DLGAP4: variants seen among roughly 807,000 people sequenced by gnomAD.
DLGAP4 encodes disks large-associated protein 4.
DLGAP4 carries 18 observed loss-of-function variants against 86.9 expected under a neutral mutation model. That is an observed-to-expected ratio of 0.21 (90% CI 0.14 to 0.31). The LOEUF is 0.31. Among genes scored for constraint, DLGAP4 ranks in the 10% least tolerant of loss-of-function variants. The pLI, the probability that DLGAP4 is intolerant of heterozygous loss-of-function variation, is 1.00. For missense variants in DLGAP4, 1,085 were observed against 1,362.6 expected (o/e 0.80, Z 3.21); for synonymous variants, 548 against 574.3 (o/e 0.95, Z 0.65).
chr20:36,360,045 G>A (rs1321788779), intron 1 of DLGAP4, among the ~76,000 whole-genome samples: 1 of 152,204 alleles, frequency 6.6e-6, no homozygotes, highest in African/African-American at 2.4e-5. Context: ...ATCATAATAC[G>A]AATACAAGGA....
intron 2 of DLGAP4, among the ~76,000 whole-genome samples, chr20:36,422,254 A>T (rs1487533957): frequency 4.6e-5 from 7 of 152,194 alleles, no homozygotes. Context: ...ATGTTCGGCC[A>T]TTCCACCTCA....
chr20:36,461,491 G>C (rs2034043894), intron 7 of DLGAP4: 3 of 981,752 alleles, frequency 3.1e-6, no homozygotes, highest in Admixed American at 6.3e-5. Flanking sequence ...GCCTCGGGCC[G>C]GGCTGCGTGA....
chr20:36,514,092 TGGAAA>T (rs2036893461), intron 10 of DLGAP4, among the ~76,000 whole-genome samples: 1 of 151,550 alleles, frequency 6.6e-6, no homozygotes, highest in African/African-American at 2.4e-5. Context: ...CACTTAGCGG[TGGAAA>T]GGGAGGAATA....
In DLGAP4 at chr20:36,308,540, C is replaced by T. The variant is rs2065026012; in HGVS notation, c.-304+2028C>T. Among the ~76,000 whole-genome samples, 1 of 152,228 alleles carries T rather than the reference C, an allele frequency of 6.6e-6. No homozygotes were observed. Among genetic ancestry groups the T allele is most frequent in the Non-Finnish European group, 1.5e-5 (1 of 68,040 alleles). ...TTGGTGTTTTTGAAGGAAGGCTGTG[C>T]AGCACTTGGGAACTAGGAGAGAATG... On this transcript the variant is annotated intron_variant, in intron 1 of 12. Transcript: ENST00000339266. This position sits in a 1 kb window ranked among gnomAD's most constrained non-coding sequence, Gnocchi z 4.5.
chr20:36,402,613 T>G (rs927246613), intron 2 of DLGAP4, among the ~76,000 whole-genome samples: 2 of 152,066 alleles, frequency 1.3e-5, no homozygotes, highest in Non-Finnish European at 2.9e-5. Flanking sequence ...CTGGACATGG[T>G]GGTGCATGCC....
Position 36,525,794 on chromosome 20 carries a change from G to A in DLGAP4, c.2605-57G>A, listed in dbSNP as rs545723515. The A allele has an allele frequency of 5.7e-4, 905 of 1,598,700 alleles. 5 individuals carry two copies. In the African/African-American group the frequency reaches 0.011, roughly 20 times the overall value. On this transcript the variant is annotated intron_variant, in intron 11 of 12. Coordinates refer to ENST00000339266, the MANE Select transcript of DLGAP4 (RefSeq NM_001365621.2). ...GGAACCCTGCTTGTTGGGGGGTTGG[G>A]GGGAGCAGGACAAGCCTCTGCTGAG...
intron 5 of DLGAP4, 36 bp from the exon 6 acceptor site, chr20:36,442,691 G>C (rs759676209): frequency 1.2e-6 from 2 of 1,612,462 alleles, no homozygotes; most frequent in East Asian, 2.2e-5. Context: ...CCCCAGCCCT[G>C]GTCCTTCCAT....
At chr20:36,399,256 T>G (rs1320832689) in intron 2 of DLGAP4, among the ~76,000 whole-genome samples, 1 of 152,118 alleles carries the variant, frequency 6.6e-6, no homozygotes, top group Non-Finnish European at 1.5e-5. Flanking sequence ...AAGCACAGGC[T>G]GGACAAGATG....
intron 7 of DLGAP4, among the ~76,000 whole-genome samples, chr20:36,484,939 C>T (rs2035345857): frequency 6.6e-6 from 1 of 152,096 alleles, no homozygotes; most frequent in South Asian, 2.1e-4. Context: ...CTGACTGTTC[C>T]TCAAATGATT....
At chr20:36,424,642 A>G (rs936072666) in intron 2 of DLGAP4, among the ~76,000 whole-genome samples, 9 of 152,002 alleles carry the variant, frequency 5.9e-5, no homozygotes, top group Non-Finnish European at 1.3e-4. Flanking sequence ...CCATCTCCAG[A>G]GCCGTTCTCA....
chr20:36,429,778 C>T (rs2033080188), intron 2 of DLGAP4, among the ~76,000 whole-genome samples: 1 of 152,204 alleles, frequency 6.6e-6, no homozygotes, highest in Non-Finnish European at 1.5e-5. Context: ...GTCTCCCCAT[C>T]TCAAGATCCT....
chr20:36,434,439 G>C (rs2033215043), intron 3 of DLGAP4, among the ~76,000 whole-genome samples: 1 of 152,190 alleles, frequency 6.6e-6, no homozygotes, highest in Non-Finnish European at 1.5e-5. Flanking sequence ...ATTAGGGAGG[G>C]TGATGTGTGA....
At chr20:36,394,321 G>A (rs1377454070) in intron 2 of DLGAP4, among the ~76,000 whole-genome samples, 1 of 152,176 alleles carries the variant, frequency 6.6e-6, no homozygotes, top group Non-Finnish European at 1.5e-5. Flanking sequence ...AGGGCCTGAG[G>A]AAGCGCTGGC....
At chr20:36,488,403 G>A (rs2035513479) in intron 7 of DLGAP4, among the ~76,000 whole-genome samples, 1 of 151,986 alleles carries the variant, frequency 6.6e-6, no homozygotes, top group Non-Finnish European at 1.5e-5. Context: ...GATTCAGTCA[G>A]CTAAAGGATA....
chr20:36,499,729 G>A (rs2036054001), intron 9 of DLGAP4, 53 bp downstream of exon 9: 7 of 1,463,618 alleles, frequency 4.8e-6, no homozygotes, highest in African/African-American at 4.2e-5. Context: ...CCCTCCCTCC[G>A]CTCTCACCTC....
chr20:36,325,166 A>T (rs1025451482), intron 1 of DLGAP4, among the ~76,000 whole-genome samples: 6 of 151,970 alleles, frequency 3.9e-5, no homozygotes, highest in Non-Finnish European at 8.8e-5. Flanking sequence ...TTTCATTTTT[A>T]TTCAGTTCAT....
rs1025376373 is a variant in DLGAP4 at position 36,462,292 on chromosome 20, T to G, written c.1648+15355T>G. 4.4e-5 allele frequency: 59 copies of G among 1,326,462 alleles called. No individual in the cohort carries two copies. The Middle Eastern group carries it at 1.6e-3, about 37-fold the overall frequency. 82.2% of individuals were successfully genotyped at this position (1,326,462 alleles called of 1,614,324 possible). On this transcript the variant is annotated intron_variant, in intron 7 of 12. Coordinates refer to ENST00000339266, the MANE Select transcript of DLGAP4 (RefSeq NM_001365621.2). ...CCTGTCGCTGTCTCTCCTTGTTCTCTCTCAGGTCTCCGAGCACCCCCACTT... is the reference window on the plus strand; with the variant it reads ...CCTGTCGCTGTCTCTCCTTGTTCTCGCTCAGGTCTCCGAGCACCCCCACTT...
intron 2 of DLGAP4, among the ~76,000 whole-genome samples, chr20:36,413,413 C>CTTTTTTTTT: frequency 1.4e-5 from 1 of 71,010 alleles, no homozygotes; most frequent in Non-Finnish European, 2.5e-5. Context: ...TTGTTCTGGA[C>CTTTTTTTTT]TTTTTTTTTT....
chr20:36,381,612 T>A (rs367558796), intron 2 of DLGAP4, among the ~76,000 whole-genome samples: 39 of 152,190 alleles, frequency 2.6e-4, no homozygotes, highest in African/African-American at 8.2e-4. Flanking sequence ...CCTGTCTTCA[T>A]TGAGCCCCCA....
Sources: allele counts gnomAD v4.1 joint callset (sites outside exome capture counted in the v4.1 genomes callset), GRCh38; gene constraint gnomAD v4.1.1; non-coding constraint Gnocchi (gnomAD v3.1); transcripts MANE v1.5; gene names NCBI Gene and HGNC (gene_info 2026-07-23, HGNC 2026-07-21).